The following PCDHA5 variants were observed in gnomAD, a reference collection of about 807,000 sequenced individuals.
PCDHA5 encodes the protein protocadherin alpha 5, also known as protocadherin alpha-5.
PCDHA5 carries 43 observed loss-of-function variants against 61.6 expected under a neutral mutation model. That is an observed-to-expected ratio of 0.70 (90% confidence interval 0.55 to 0.90). The LOEUF is 0.90. PCDHA5 is among the 40% of genes least tolerant of loss of function. The pLI, the probability that PCDHA5 is intolerant of heterozygous loss-of-function variation, is 0.00. For missense variants in PCDHA5, 1,298 were observed against 1,222.7 expected (o/e 1.06, Z -0.92); for synonymous variants, 627 against 543.9 (o/e 1.15, Z -2.13).
intron 1 of PCDHA5, chr5:140,858,792 T>C (rs1554152021): frequency 2.6e-6 from 1 of 385,722 alleles, no homozygotes; most frequent in Admixed American, 4.5e-5. Context: ...GTTATTTCAT[T>C]TCCAATCTAA....
chr5:140,924,766 G>A (rs543178519), intron 1 of PCDHA5, among the ~76,000 whole-genome samples: 1 of 151,878 alleles, frequency 6.6e-6, no homozygotes, highest in East Asian at 1.9e-4. Context: ...ATGGTGGTGC[G>A]CGCTTGTAGT....
At chr5:140,853,308 C>T in intron 1 of PCDHA5, 1 of 983,184 alleles carries the variant, frequency 1.0e-6, no homozygotes, top group Non-Finnish European at 1.2e-6. Context: ...CTGTGAACAC[C>T]TTAGTAATAA....
intron 1 of PCDHA5, chr5:140,869,729 A>C (rs1554163384): frequency 6.2e-7 from 1 of 1,613,280 alleles, no homozygotes; most frequent in Admixed American, 1.7e-5. Context: ...CCGGAACTTA[A>C]TTTGCTGCTA....
chr5:140,908,861 T>C (rs1554193539), intron 1 of PCDHA5, among the ~76,000 whole-genome samples: 1 of 152,160 alleles, frequency 6.6e-6, no homozygotes, highest in Admixed American at 6.5e-5. Flanking sequence ...AAATGAGGAA[T>C]GTGTTGCCTC....
In PCDHA5 at chr5:140,821,946, G is replaced by T; in HGVS notation, c.171G>T (p.Glu57Asp). The T allele has an allele frequency of 6.2e-7, 1 of 1,614,176 alleles. No homozygotes were observed. The highest frequency in any genetic ancestry group is 8.5e-7 in the Non-Finnish European group (1 of 1,180,042). ...AGGACCTAGGGCTGGAGCTGGCGGA[G>T]CTGGTGCCGCGCCTGTTCCGGGTGG... is the stretch of plus-strand genomic sequence containing the variant. Reference protein sequence around the residue: ...IAQDLGLELAELVPRLFRVAS... With the variant: ...IAQDLGLELADLVPRLFRVAS... The change falls in exon 1 of 4, where the codon GAG becomes GAT. Residue 57 changes from glutamate to aspartate, a missense_variant. Glu to Asp is a conservative substitution (Grantham distance 45, BLOSUM62 2). Coordinates refer to ENST00000529859, the MANE Select transcript of PCDHA5 (RefSeq NM_018908.3).
intron 1 of PCDHA5, chr5:140,828,067 G>T (rs2150150517): frequency 6.4e-7 from 1 of 1,560,564 alleles, no homozygotes; most frequent in Admixed American, 2.0e-5. Flanking sequence ...ATCTTCTAAT[G>T]GAAATAAAAC....
chr5:140,928,563 T>C lies in PCDHA5; in HGVS notation c.2353-50386T>C, dbSNP rs138980511. 9.3e-4 allele frequency: 1,498 copies of C among 1,614,116 alleles called. 1 individual carries two copies. Among genetic ancestry groups the C allele is most frequent in the Non-Finnish European group, 1.2e-3 (1,397 of 1,180,050 alleles). On this transcript the variant is annotated intron_variant, in intron 1 of 3. Coordinates refer to ENST00000529859, the MANE Select transcript of PCDHA5 (RefSeq NM_018908.3). ...ATGACAATTATCCGGTTATCTTGTT[T>C]CCCTTGCCCAGAAATGGTTCTGTCC...
chr5:140,869,381 A>G, intron 1 of PCDHA5: 2 of 1,614,128 alleles, frequency 1.2e-6, no homozygotes, highest in South Asian at 1.1e-5. Flanking sequence ...ATCGACCGCG[A>G]GGAGCTGTGC....
At chr5:140,845,127 A>G (rs1183874019) in intron 1 of PCDHA5, among the ~76,000 whole-genome samples, 4 of 149,560 alleles carry the variant, frequency 2.7e-5, no homozygotes, top group Non-Finnish European at 6.0e-5. Flanking sequence ...TTAGCATTTT[A>G]TTTGACTATT....
chr5:140,923,333 T>C lies in PCDHA5; in HGVS notation c.2353-55616T>C, dbSNP rs180734722. Among the ~76,000 whole-genome samples the C allele has an allele frequency of 8.0e-3, 1,225 of 152,228 alleles. 6 individuals are homozygous for C. The highest frequency in any genetic ancestry group is 0.019 in the African/African-American group (792 of 41,544). On this transcript the variant is annotated intron_variant, in intron 1 of 3. Coordinates refer to ENST00000529859, the MANE Select transcript of PCDHA5 (RefSeq NM_018908.3). ...CTTGGCCTAGAAGTTCAAGGACAGT[T>C]TGGGCAACATAGTGGGACCCTATCT...
At chr5:140,876,424 A>G in intron 1 of PCDHA5, 1 of 1,613,970 alleles carries the variant, frequency 6.2e-7, no homozygotes. Context: ...TGCCTATGAA[A>G]TTCAGGTTAA....
intron 1 of PCDHA5, chr5:140,829,967 C>G: frequency 6.2e-7 from 1 of 1,613,994 alleles, no homozygotes; most frequent in Non-Finnish European, 8.5e-7. Flanking sequence ...TCGCGTGGGG[C>G]TGTACACGGG....
At chr5:140,871,141 C>A (rs1431247385) in intron 1 of PCDHA5, 2 of 1,613,438 alleles carry the variant, frequency 1.2e-6, no homozygotes, top group Non-Finnish European at 1.7e-6. Context: ...GGCCTCTTCC[C>A]GGACTTTGGC....
At chr5:140,847,743 C>T (rs2150239198) in intron 1 of PCDHA5, 1 of 149,792 alleles carries the variant, frequency 6.7e-6, no homozygotes, top group East Asian at 1.9e-4. Flanking sequence ...TATTTTCTCC[C>T]CACGCAACAC....
At chr5:140,890,875 T>G (rs189226344) in intron 1 of PCDHA5, among the ~76,000 whole-genome samples, 106 of 152,318 alleles carry the variant, frequency 7.0e-4, no homozygotes, top group Non-Finnish European at 1.3e-3. Flanking sequence ...CCCTCTGACC[T>G]TTCATCAGGG....
chr5:140,928,226 T>G, intron 1 of PCDHA5: 1 of 1,614,178 alleles, frequency 6.2e-7, no homozygotes, highest in African/African-American at 1.3e-5. Context: ...ACACCAAACT[T>G]TCCTCAACCC....
chr5:140,953,938 C>T (rs1349031672), intron 1 of PCDHA5, among the ~76,000 whole-genome samples: 1 of 152,088 alleles, frequency 6.6e-6, no homozygotes, highest in African/African-American at 2.4e-5. Context: ...CTCTCCCTCC[C>T]ATTGCTCCCC....
intron 1 of PCDHA5, chr5:140,966,800 G>A: frequency 6.5e-7 from 1 of 1,540,654 alleles, no homozygotes; most frequent in Non-Finnish European, 8.7e-7. Context: ...TGCGGCGACA[G>A]AGCATCCACG....
chr5:141,001,114 A>G (rs1456437716), intron 3 of PCDHA5, among the ~76,000 whole-genome samples: 4 of 152,062 alleles, frequency 2.6e-5, no homozygotes, highest in Non-Finnish European at 4.4e-5. Flanking sequence ...TAAGCAATCA[A>G]TAGTCCTTAA....
Sources: allele counts gnomAD v4.1 joint callset (sites outside exome capture counted in the v4.1 genomes callset), GRCh38; gene constraint gnomAD v4.1.1; transcripts MANE v1.5; gene names NCBI Gene and HGNC (gene_info 2026-07-23, HGNC 2026-07-21).